PID1: variants seen among roughly 807,000 people sequenced by gnomAD.
The protein encoded by PID1 is PTB-containing, cubilin and LRP1-interacting protein.
A neutral mutation model predicts 19.1 loss-of-function variants in PID1; 10 were observed. The ratio of observed to expected loss-of-function variants is 0.52; its 90% CI spans 0.32 to 0.89. The LOEUF (loss-of-function observed/expected upper bound fraction) is 0.89. Ranked by LOEUF, PID1 falls within the 40% of genes least tolerant of loss-of-function variation. PID1 has a pLI of 0.03. For synonymous variants in PID1, 130 were observed against 116.0 expected (o/e 1.12, Z -0.78); for missense variants, 248 against 285.3 (o/e 0.87, Z 0.94).
Position 229,101,714 on chromosome 2 carries a change from C to T in PID1, c.177+54104G>A, listed in dbSNP as rs565746437. On this transcript the variant is annotated intron_variant, in intron 2 of 2. Coordinates refer to ENST00000392055, the MANE Select transcript of PID1 (RefSeq NM_001100818.2). The stretch of plus-strand genomic sequence containing the variant: ...AACTATTAAAGCAAAAAATCTCAGG[C>T]AATCTGATACCAAAGACCTTGACCT... 9.9e-5 allele frequency among the ~76,000 whole-genome samples: 15 copies of T among 152,270 alleles called. No homozygotes were observed. In the South Asian group the frequency reaches 3.1e-3, roughly 32 times the overall value.
Position 229,147,315 on chromosome 2 carries a change from A to C in PID1, c.177+8503T>G, listed in dbSNP as rs571565110. Among the ~76,000 whole-genome samples, 472 of 152,142 alleles carry C rather than the reference A, an allele frequency of 3.1e-3. 4 individuals carry two copies. The highest frequency in any genetic ancestry group is 0.011 in the African/African-American group (449 of 41,528). On this transcript the variant is annotated intron_variant, in intron 2 of 2. Coordinates refer to ENST00000392055, the MANE Select transcript of PID1 (RefSeq NM_001100818.2). The stretch of plus-strand genomic sequence containing the variant: ...CAGACAAACTTTTAACATCCAAATA[A>C]ATTTTTTCTTTAATTATTACTTTTT...
At chr2:229,136,141 G>A (rs765461509) in intron 2 of PID1, among the ~76,000 whole-genome samples, 10 of 152,130 alleles carry the variant, frequency 6.6e-5, no homozygotes, top group Non-Finnish European at 5.9e-5. Flanking sequence ...AGTTGCTCCA[G>A]GAAAGGCTTT....
In PID1 at chr2:229,179,685, A is replaced by C. The variant is rs146013957; in HGVS notation, c.31-23721T>G. ...GCAAGATTCCCAACAACAACAACAA[A>C]AAAAAGCAGCTCTCCTCAAAGCAAA... is the stretch of plus-strand genomic sequence containing the variant. On this transcript the variant is annotated intron_variant, in intron 1 of 2. Transcript: ENST00000392055. Among the ~76,000 whole-genome samples, 276 of 152,314 alleles carry C rather than the reference A, an allele frequency of 1.8e-3. 2 individuals are homozygous for C. The highest frequency in any genetic ancestry group is 6.2e-3 in the African/African-American group (257 of 41,574).
At chr2:229,253,186 C>T (rs1690199977) in intron 1 of PID1, among the ~76,000 whole-genome samples, 2 of 152,194 alleles carry the variant, frequency 1.3e-5, no homozygotes, top group South Asian at 4.1e-4. Flanking sequence ...CAGACTAAGG[C>T]CATGTCTTCT....
chr2:229,122,719 C>T (rs1695547355), intron 2 of PID1, among the ~76,000 whole-genome samples: 3 of 152,254 alleles, frequency 2.0e-5, no homozygotes, highest in Admixed American at 1.3e-4. Flanking sequence ...GCATTTCAAA[C>T]AAGTTTATTA....
At chr2:229,269,605 T>A (rs1478270252) in intron 1 of PID1, among the ~76,000 whole-genome samples, 1 of 152,228 alleles carries the variant, frequency 6.6e-6, no homozygotes, top group Non-Finnish European at 1.5e-5. Context: ...TCCTTTGGAA[T>A]AGAAGTTACG....
At chr2:229,259,430 A>AT (rs1200979079) in intron 1 of PID1, among the ~76,000 whole-genome samples, 2 of 152,166 alleles carry the variant, frequency 1.3e-5, no homozygotes, top group African/African-American at 4.8e-5. Flanking sequence ...TCTCTGCCCA[A>AT]CCCAGAGAAA....
At position 229,184,061 on chromosome 2, in the gene PID1, A is replaced by ATATATCCCATATG. The variant is rs1574700280; in HGVS notation, c.31-28110_31-28098dup. The stretch of plus-strand genomic sequence containing the variant: ...TATATCCCATATATATATCCCATAT[A>ATATATCCCATATG]TATATCCCATATGTATATCCCATAT... On this transcript the variant is annotated intron_variant, in intron 1 of 2. Coordinates refer to ENST00000392055, the MANE Select transcript of PID1 (RefSeq NM_001100818.2). 3.1e-4 allele frequency among the ~76,000 whole-genome samples: 3 copies of ATATATCCCATATG among 9,732 alleles called. No individual in the cohort carries two copies. In the South Asian group the frequency reaches 4.5e-3, roughly 15 times the overall value. The allele number at this position is 9,732 out of a possible 152,430, so 6.4% of individuals were successfully genotyped here.
intron 2 of PID1, among the ~76,000 whole-genome samples, chr2:229,095,076 C>T (rs115348707): frequency 2.6e-5 from 4 of 152,254 alleles, no homozygotes; most frequent in African/African-American, 9.6e-5. Flanking sequence ...GCTCCTGAGT[C>T]ACAGTCCCAC....
rs894960894 is a variant in PID1, at chr2:229,177,408, G to C, written c.31-21444C>G. On this transcript the variant is annotated intron_variant, in intron 1 of 2. Coordinates refer to ENST00000392055, the MANE Select transcript of PID1 (RefSeq NM_001100818.2). ...ACATCAGGCAAGAGCTTCAAAGTTA[G>C]CCATAATTGTTACGTGAATTATTCC... Among the ~76,000 whole-genome samples the C allele has an allele frequency of 3.9e-5, 6 of 152,294 alleles. No individual in the cohort carries two copies. The East Asian group carries it at 9.6e-4, about 24-fold the overall frequency.
intron 2 of PID1, among the ~76,000 whole-genome samples, chr2:229,139,087 GAA>G (rs1348393927): frequency 2.3e-4 from 16 of 68,264 alleles, no homozygotes; most frequent in African/African-American, 1.1e-3. Context: ...AAGAAAGAAA[GAA>G]AGAAAGAAAG....
At chr2:229,053,203 T>C (rs1484243174) in intron 2 of PID1, among the ~76,000 whole-genome samples, 2 of 151,522 alleles carry the variant, frequency 1.3e-5, no homozygotes, top group South Asian at 2.1e-4. Context: ...ATATTAATTC[T>C]TTTTTTTTCT....
chr2:229,170,311 C>G (rs1051663254), intron 1 of PID1, among the ~76,000 whole-genome samples: 1 of 152,018 alleles, frequency 6.6e-6, no homozygotes, highest in South Asian at 2.1e-4. Context: ...TGTTATTTAC[C>G]TTCCAATAAT....
intron 2 of PID1, among the ~76,000 whole-genome samples, chr2:229,114,123 C>CTCTCTCTCTT (rs1206395443): frequency 1.3e-5 from 2 of 149,302 alleles, no homozygotes; most frequent in Non-Finnish European, 3.0e-5. Flanking sequence ...TTCTCTCTCT[C>CTCTCTCTCTT]TCTCTCTCTC....
At chr2:229,220,676 C>A (rs1015091558) in intron 1 of PID1, among the ~76,000 whole-genome samples, 2 of 152,190 alleles carry the variant, frequency 1.3e-5, no homozygotes, top group Non-Finnish European at 2.9e-5. Context: ...TAGCATTGAA[C>A]TTCTGTAAAC....
intron 2 of PID1, among the ~76,000 whole-genome samples, chr2:229,042,725 T>C (rs1693796015): frequency 6.6e-6 from 1 of 152,202 alleles, no homozygotes; most frequent in Non-Finnish European, 1.5e-5. Context: ...TAGAACCCAA[T>C]GCATGATGTG....
intron 2 of PID1, among the ~76,000 whole-genome samples, chr2:229,145,155 G>GTA (rs5839309): frequency 0.066 from 7,911 of 119,576 alleles, 183 homozygotes; most frequent in Middle Eastern, 0.11. Context: ...ATATGTATGT[G>GTA]TATATATATA....
chr2:229,242,962 C>T (rs549492201), intron 1 of PID1, among the ~76,000 whole-genome samples: 2 of 152,266 alleles, frequency 1.3e-5, no homozygotes, highest in Admixed American at 6.5e-5. Context: ...CTAGGGTAAT[C>T]TTCTCTACCT....
At chr2:229,229,870 C>T (rs1692165330) in intron 1 of PID1, among the ~76,000 whole-genome samples, 1 of 152,184 alleles carries the variant, frequency 6.6e-6, no homozygotes, top group African/African-American at 2.4e-5. Flanking sequence ...TACATCATCA[C>T]ATGCTGATTC....
Sources: allele counts gnomAD v4.1 joint callset (sites outside exome capture counted in the v4.1 genomes callset), GRCh38; gene constraint gnomAD v4.1.1; transcripts MANE v1.5; gene names NCBI Gene and HGNC (gene_info 2026-07-23, HGNC 2026-07-21).